CLEC12B: variants seen among roughly 807,000 people sequenced by gnomAD.
The protein encoded by CLEC12B is macrophage antigen h.
In CLEC12B, 25 loss-of-function variants were observed where a neutral mutation model predicts 36.1. That is an observed-to-expected ratio of 0.69 (90% CI 0.50 to 0.97). CLEC12B has a LOEUF of 0.97. CLEC12B is among the 50% of genes least tolerant of loss of function. The pLI is 0.00. For synonymous variants in CLEC12B, 110 were observed against 108.5 expected (o/e 1.01, Z -0.09); for missense variants, 325 against 318.4 (o/e 1.02, Z -0.16).
intron 5 of CLEC12B, chr12:10,018,048 A>C (rs936961): frequency 1 from 761,133 of 763,934 alleles, 379,222 homozygotes; most frequent in Non-Finnish European, 1. Context: ...TAATGGAATT[A>C]CATATTTATG....
intron 5 of CLEC12B, chr12:10,015,952 A>C: frequency 7.4e-7 from 1 of 1,343,054 alleles, no homozygotes; most frequent in South Asian, 1.8e-5. Flanking sequence ...GTGTTTATTT[A>C]ACACACACAC....
chr12:10,009,466 T>C (rs1307880187), upstream of CLEC12B, among the ~76,000 whole-genome samples: 1 of 151,918 alleles, frequency 6.6e-6, no homozygotes, highest in African/African-American at 2.4e-5. Flanking sequence ...AACATAAGCA[T>C]AGATTTATTA....
At position 10,018,720 on chromosome 12, in the gene CLEC12B, G is replaced by A. The variant is rs942424949; in HGVS notation, c.*239G>A. The A allele has an allele frequency of 5.5e-5, 25 of 452,792 alleles. No individual in the cohort carries two copies. The highest frequency in any genetic ancestry group is 8.9e-5 in the Non-Finnish European group (23 of 257,708). The allele number at this position is 452,792 out of a possible 1,614,324, so 28.0% of individuals were successfully genotyped here. ...GGACAAAGGGGAATAGCCATACTAT[G>A]GCCCTATGATTGTCTCAGAATCATT... is the stretch of plus-strand genomic sequence containing the variant. On this transcript the variant is annotated 3_prime_UTR_variant, in exon 6 of 6. Transcript: ENST00000338896.
chr12:10,010,037 T>C (rs1366237286), upstream of CLEC12B, among the ~76,000 whole-genome samples: 1 of 152,202 alleles, frequency 6.6e-6, no homozygotes, highest in African/African-American at 2.4e-5. Context: ...ATCCCATGGT[T>C]GTTGTTCTGT....
At chr12:10,007,091 A>C (rs1283033289), upstream of CLEC12B, among the ~76,000 whole-genome samples, 1 of 152,034 alleles carries the variant, frequency 6.6e-6, no homozygotes, top group Admixed American at 6.5e-5. Flanking sequence ...AAAAAAAGAA[A>C]AAAAAGAAAT....
intron 5 of CLEC12B, 22 bp downstream of exon 5, chr12:10,015,749 G>T: frequency 1.2e-6 from 2 of 1,608,486 alleles, no homozygotes; most frequent in Non-Finnish European, 1.7e-6. Flanking sequence ...ACTATTGAGG[G>T]TAAACACAAG....
chr12:10,012,010 T>G (rs1034896121), intron 1 of CLEC12B, among the ~76,000 whole-genome samples: 1 of 152,168 alleles, frequency 6.6e-6, no homozygotes, highest in African/African-American at 2.4e-5. Flanking sequence ...AAGGAAAACA[T>G]GACAACCATT....
intron 1 of CLEC12B, among the ~76,000 whole-genome samples, chr12:10,011,566 G>T (rs1235594976): frequency 6.6e-6 from 1 of 152,186 alleles, no homozygotes; most frequent in Non-Finnish European, 1.5e-5. Context: ...CCCAGTCTCA[G>T]TGCTGGTCTT....
At chr12:10,012,243 A>G (rs190559162) in intron 1 of CLEC12B, among the ~76,000 whole-genome samples, 2 of 152,342 alleles carry the variant, frequency 1.3e-5, no homozygotes, top group East Asian at 3.9e-4. Context: ...TGTGCCTTAT[A>G]GAGACTTTTG....
At position 10,015,232 on chromosome 12, in the gene CLEC12B, G is replaced by C; in HGVS notation, c.410-20G>C. 6.3e-7 allele frequency: 1 copy of C among 1,596,772 alleles called. No homozygotes were observed. The highest frequency in any genetic ancestry group is 8.6e-7 in the Non-Finnish European group (1 of 1,169,414). On this transcript the variant is annotated intron_variant, in intron 3 of 5. Transcript: ENST00000338896. ...TCTAGAGTCTTCAGTTTATATTATT[G>C]GGTATAATTTCCTTTTCAGACCACA... is the stretch of plus-strand genomic sequence containing the variant.
rs151006399 is a variant in CLEC12B at position 10,017,563 on chromosome 12, C to G, written c.681-768C>G. Reference sequence around the variant, plus strand: ...GACATGCAGCTGTCAGACAAGCCAGCATGTCAAACACAGGTTAGAGAGACT... The same window carrying G: ...GACATGCAGCTGTCAGACAAGCCAGGATGTCAAACACAGGTTAGAGAGACT... On this transcript the variant is annotated intron_variant, in intron 5 of 5. Coordinates refer to ENST00000338896, the MANE Select transcript of CLEC12B (RefSeq NM_001129998.3). The G allele has an allele frequency of 4.2e-4, 416 of 985,468 alleles. 3 individuals carry two copies. In the African/African-American group the frequency reaches 6.7e-3, roughly 16 times the overall value. The allele number at this position is 985,468 out of a possible 1,614,324, so 61.0% of individuals were successfully genotyped here.
chr12:10,008,674 T>C (rs186881077), upstream of CLEC12B, among the ~76,000 whole-genome samples: 38 of 152,324 alleles, frequency 2.5e-4, no homozygotes, highest in Non-Finnish European at 4.1e-4. Context: ...ATAGATGATA[T>C]AGCTTTTTGG....
upstream of CLEC12B, among the ~76,000 whole-genome samples, chr12:10,007,258 T>C (rs114330029): frequency 4.5e-3 from 683 of 151,940 alleles, 10 homozygotes; most frequent in African/African-American, 0.015. Flanking sequence ...ATAGGAGATA[T>C]TATATCATCT....
At chr12:10,008,571 C>T (rs1040306341), upstream of CLEC12B, among the ~76,000 whole-genome samples, 5 of 152,008 alleles carry the variant, frequency 3.3e-5, no homozygotes, top group African/African-American at 1.2e-4. Flanking sequence ...AATAGTGTAA[C>T]TGATAAAATA....
intron 1 of CLEC12B, among the ~76,000 whole-genome samples, chr12:10,011,490 G>GA (rs1486323002): frequency 1.3e-5 from 2 of 151,036 alleles, no homozygotes; most frequent in Non-Finnish European, 2.9e-5. Flanking sequence ...TTACATAGAT[G>GA]AAAAAACTGA....
chr12:10,009,169 C>T (rs1258508235), upstream of CLEC12B, among the ~76,000 whole-genome samples: 1 of 152,094 alleles, frequency 6.6e-6, no homozygotes, highest in Admixed American at 6.5e-5. Context: ...GCTTGGGACC[C>T]CTTCCATGCT....
Position 10,012,232 on chromosome 12 carries a change from A to T in CLEC12B, c.92-553A>T, listed in dbSNP as rs936454912. On this transcript the variant is annotated intron_variant, in intron 1 of 5. Transcript: ENST00000338896. The stretch of plus-strand genomic sequence containing the variant: ...TCCACTTTTACAAGGCAGATAGAAC[A>T]TGTGCCTTATAGAGACTTTTGAGCT... Among the ~76,000 whole-genome samples, 15 of 152,312 alleles carry T rather than the reference A, an allele frequency of 9.8e-5. No individual in the cohort carries two copies. The South Asian group carries it at 3.1e-3, about 32-fold the overall frequency.
chr12:10,012,203 C>T (rs1450072452), intron 1 of CLEC12B, among the ~76,000 whole-genome samples: 1 of 152,042 alleles, frequency 6.6e-6, no homozygotes, highest in Non-Finnish European at 1.5e-5. Context: ...TTTAAAAAGT[C>T]GAATCCACTT....
intron 1 of CLEC12B, among the ~76,000 whole-genome samples, chr12:10,011,310 A>G (rs1158759066): frequency 6.6e-6 from 1 of 152,100 alleles, no homozygotes; most frequent in Admixed American, 6.5e-5. Flanking sequence ...ATCAGAGCTA[A>G]TTTTTCTTTT....
Sources: allele counts gnomAD v4.1 joint callset (sites outside exome capture counted in the v4.1 genomes callset), GRCh38; gene constraint gnomAD v4.1.1; transcripts MANE v1.5; gene names NCBI Gene and HGNC (gene_info 2026-07-23, HGNC 2026-07-21).